GPR160: variants seen among roughly 807,000 people sequenced by gnomAD.
The protein encoded by GPR160 is probable G protein-coupled receptor 160.
A neutral mutation model predicts 2.6 loss-of-function variants in GPR160; 2 were observed. The observed-to-expected ratio is 0.77, with a 90% CI of 0.32 to 2.44. The LOEUF (loss-of-function observed/expected upper bound fraction) is 2.44. Ranked by LOEUF, GPR160 falls within the 30% of genes most tolerant of loss-of-function variation. GPR160 has a pLI of 0.11. For synonymous variants in GPR160, 130 were observed against 132.2 expected, an observed-to-expected ratio of 0.98 and a Z score of 0.12; for missense variants, 351 against 383.6, an observed-to-expected ratio of 0.91 and a Z score of 0.71.
chr3:170,070,201 A>G (rs2108337769), intron 2 of GPR160, among the ~76,000 whole-genome samples: 1 of 152,306 alleles, frequency 6.6e-6, no homozygotes. Context: ...TAGTTGATAT[A>G]TCCTAAGTCT....
chr3:170,060,001 T>C (rs1257017118), intron 2 of GPR160, among the ~76,000 whole-genome samples: 1 of 152,080 alleles, frequency 6.6e-6, no homozygotes, highest in Admixed American at 6.6e-5. Context: ...TAGCTTTGCA[T>C]TGGAGGTATC....
intron 2 of GPR160, chr3:170,057,455 A>T (rs1300625600): frequency 6.6e-6 from 1 of 152,222 alleles, no homozygotes; most frequent in Admixed American, 6.5e-5. Context: ...AAAACAAATT[A>T]AAAAATGAAA....
chr3:170,075,401 T>TA (rs963793249), intron 2 of GPR160, among the ~76,000 whole-genome samples: 1 of 152,182 alleles, frequency 6.6e-6, no homozygotes, highest in Non-Finnish European at 1.5e-5. Context: ...TACATCCTGT[T>TA]AAAAAAATTT....
chr3:170,057,777 A>G (rs1340990017), intron 2 of GPR160: 1 of 152,288 alleles, frequency 6.6e-6, no homozygotes, highest in East Asian at 1.9e-4. Flanking sequence ...ACAACTGAGC[A>G]GGAACACCAA....
intron 2 of GPR160, among the ~76,000 whole-genome samples, chr3:170,064,514 C>CTTTTTTTTTTTTTTT (rs1175382810): frequency 4.9e-5 from 4 of 81,054 alleles, no homozygotes; most frequent in Non-Finnish European, 7.5e-5. Flanking sequence ...CTTTTCTTTT[C>CTTTTTTTTTTTTTTT]TTTTTTTTTT....
chr3:170,053,666 T>G (rs1711507969), intron 2 of GPR160, among the ~76,000 whole-genome samples: 2 of 152,194 alleles, frequency 1.3e-5, no homozygotes, highest in Non-Finnish European at 2.9e-5. Flanking sequence ...TTACCTTGTT[T>G]CCAATTTTAG....
intron 2 of GPR160, among the ~76,000 whole-genome samples, chr3:170,048,282 G>T (rs763998365): frequency 8.5e-5 from 13 of 152,180 alleles, no homozygotes; most frequent in Non-Finnish European, 1.9e-4. Context: ...ATGGGAAGGG[G>T]ATGAGGGATG....
At chr3:170,058,066 T>C (rs1711731842) in intron 2 of GPR160, 1 of 152,194 alleles carries the variant, frequency 6.6e-6, no homozygotes, top group African/African-American at 2.4e-5. Context: ...ATGAATGAAG[T>C]CTTGCAGTAG....
intron 2 of GPR160, among the ~76,000 whole-genome samples, chr3:170,059,809 TTAGC>T (rs1337533816): frequency 6.6e-6 from 1 of 152,046 alleles, no homozygotes; most frequent in Non-Finnish European, 1.5e-5. Flanking sequence ...CCAGCATCCA[TTAGC>T]TGTTTTTCCT....
In GPR160 at chr3:170,084,724, C is replaced by A; in HGVS notation, c.752C>A (p.Thr251Asn). The stretch of plus-strand genomic sequence containing the variant: ...AAGCTCATTGTCTGTTTTCTCAGTA[C>A]CTGGTTACCATTTGTACTACTTCAG... ...LSKLIVCFLS[T>N]WLPFVLLQVI... The change falls in exon 4 of 4, where the codon ACC becomes AAC. Residue 251 changes from threonine to asparagine, a missense_variant. Coordinates refer to ENST00000355897, the MANE Select transcript of GPR160 (RefSeq NM_014373.3). 1.9e-6 allele frequency: 3 copies of A among 1,611,532 alleles called. No homozygotes were observed. Among genetic ancestry groups the A allele is most frequent in the Non-Finnish European group, 2.5e-6 (3 of 1,178,000 alleles).
chr3:170,060,484 G>A (rs1040582637), intron 2 of GPR160, among the ~76,000 whole-genome samples: 5 of 152,296 alleles, frequency 3.3e-5, no homozygotes, highest in African/African-American at 9.6e-5. Context: ...TAAAATGGAC[G>A]AGGCGAGGTG....
intron 2 of GPR160, among the ~76,000 whole-genome samples, chr3:170,041,287 A>T (rs1406593673): frequency 1.3e-5 from 2 of 150,066 alleles, no homozygotes; most frequent in Non-Finnish European, 3.0e-5. Context: ...ACTAGTCTAA[A>T]GGATGTAAAG....
chr3:170,055,699 A>G (rs1304906992), intron 2 of GPR160, among the ~76,000 whole-genome samples: 1 of 151,910 alleles, frequency 6.6e-6, no homozygotes, highest in Non-Finnish European at 1.5e-5. Context: ...CAGTGGCGCG[A>G]TCCCGGCTCA....
chr3:170,082,203 A>G (rs1451769434), intron 3 of GPR160, among the ~76,000 whole-genome samples: 2 of 152,228 alleles, frequency 1.3e-5, no homozygotes, highest in African/African-American at 4.8e-5. Flanking sequence ...TATTTCTTAC[A>G]TGACATGTTG....
intron 2 of GPR160, among the ~76,000 whole-genome samples, chr3:170,056,739 C>G (rs962019678): frequency 6.6e-6 from 1 of 152,138 alleles, no homozygotes; most frequent in Non-Finnish European, 1.5e-5. Context: ...GACAGAATCA[C>G]GTGAAGGCTA....
At position 170,084,499 on chromosome 3, in the gene GPR160, T is replaced by G. The variant is rs192710143; in HGVS notation, c.527T>G (p.Phe176Cys). 61 of 1,613,488 alleles carry G rather than the reference T, an allele frequency of 3.8e-5. No individual in the cohort carries two copies. In the East Asian group the frequency reaches 1.3e-3, roughly 35 times the overall value. Residue 176 changes from phenylalanine to cysteine, a missense_variant, in exon 4 of 4, where the codon TTC (phenylalanine) becomes TGC (cysteine). By Grantham distance (205) the Phe-to-Cys change is radical. Coordinates refer to ENST00000355897, the MANE Select transcript of GPR160 (RefSeq NM_014373.3). ...AQNAYSRHCP[F>C]YVSIQSYWLS... ...AATGCTTATTCTCGTCACTGTCCTT[T>G]CTATGTCAGCATTCAGAGTTACTGG...
rs1716266158 is a variant in GPR160 at position 170,038,063 on chromosome 3, T to G, written c.-474T>G. ...GCGGGGTCCCGGGGCCGTGCTCCCC[T>G]GCCCCTCCCGGGAGCGCGCGGGGCG... On this transcript the variant is annotated 5_prime_UTR_variant, in exon 1 of 4. Transcript: ENST00000355897. This position sits in a 1 kb window ranked among gnomAD's most constrained non-coding sequence, Gnocchi z 5.3. 6.6e-6 allele frequency: 1 copy of G among 152,050 alleles called. No homozygotes were observed. 9.4% of individuals were successfully genotyped at this position (152,050 alleles called of 1,614,324 possible). A position where few individuals can be genotyped will look rare whatever the true frequency, so the allele number is the denominator to read the frequency against.
At chr3:170,045,750 C>G (rs1176191087) in intron 2 of GPR160, among the ~76,000 whole-genome samples, 1 of 152,152 alleles carries the variant, frequency 6.6e-6, no homozygotes, top group African/African-American at 2.4e-5. Context: ...GATTAACCCC[C>G]TTGTCAAGGA....
intron 2 of GPR160, among the ~76,000 whole-genome samples, chr3:170,056,275 C>T (rs1200027078): frequency 6.6e-6 from 1 of 152,164 alleles, no homozygotes; most frequent in Non-Finnish European, 1.5e-5. Flanking sequence ...TGAAAATATA[C>T]ATCACCAGAA....
Sources: gnomAD v4.1 joint callset for allele counts (sites outside exome capture counted in the v4.1 genomes callset) on GRCh38, gnomAD v4.1.1 for gene constraint, Gnocchi (gnomAD v3.1) non-coding constraint, MANE v1.5 for transcripts, NCBI Gene and HGNC (gene_info 2026-07-23, HGNC 2026-07-21) for gene names.